RBFOX1: variants seen among roughly 807,000 people sequenced by gnomAD.
RBFOX1 encodes RNA binding fox-1 homolog 1.
Under a neutral mutation model 57.7 loss-of-function variants are expected in RBFOX1, and 8 were observed. The observed-to-expected ratio is 0.14, with a 90% confidence interval of 0.08 to 0.25. RBFOX1 has a LOEUF of 0.25. Ranked by LOEUF, RBFOX1 falls within the 10% of genes least tolerant of loss-of-function variation. The pLI is 1.00. For missense variants in RBFOX1, 611 were observed against 548.5 expected (o/e 1.11, Z -1.14); for synonymous variants, 326 against 222.4 (o/e 1.47, Z -4.15).
At chr16:7,276,497 C>T (rs1488080743) in intron 4 of RBFOX1, among the ~76,000 whole-genome samples, 1 of 152,164 alleles carries the variant, frequency 6.6e-6, no homozygotes, top group African/African-American at 2.4e-5. Flanking sequence ...TTATCTCCTT[C>T]CCTGATAGCA....
Position 6,305,650 on chromosome 16 carries a change from CT to C in RBFOX1, c.-126-11334del, listed in dbSNP as rs5815297. ...ACACATACTGTAGTCATACTCTTAGCTTTTTTTTTTTCCTGTATTACCTCAT... is the reference window on the plus strand; with the variant it reads ...ACACATACTGTAGTCATACTCTTAGCTTTTTTTTTTCCTGTATTACCTCAT... On this transcript the variant is annotated intron_variant, in intron 1 of 15. Transcript: ENST00000550418. Among the ~76,000 whole-genome samples, 1,204 of 146,080 alleles carry C rather than the reference CT, an allele frequency of 8.2e-3. 8 individuals are homozygous for C. The highest frequency in any genetic ancestry group is 0.013 in the Non-Finnish European group (849 of 66,782).
At chr16:7,428,301 T>C (rs978465196) in intron 4 of RBFOX1, among the ~76,000 whole-genome samples, 1 of 151,404 alleles carries the variant, frequency 6.6e-6, no homozygotes, top group Non-Finnish European at 1.5e-5. Context: ...ATGAGATATA[T>C]TTGACCTATG....
chr16:5,882,066 T>A (rs1006205790), intron 4 of RBFOX1, among the ~76,000 whole-genome samples: 1 of 152,176 alleles, frequency 6.6e-6, no homozygotes, highest in Non-Finnish European at 1.5e-5. Context: ...GTTATTTACA[T>A]TTTACAGAAT....
chr16:6,886,851 T>A (rs1022957343), intron 3 of RBFOX1, among the ~76,000 whole-genome samples: 2 of 151,992 alleles, frequency 1.3e-5, no homozygotes, highest in Non-Finnish European at 2.9e-5. Context: ...CAGTGAAATA[T>A]GGCAAAAATA....
chr16:6,931,574 C>T (rs1316409809), intron 3 of RBFOX1, among the ~76,000 whole-genome samples: 1 of 152,104 alleles, frequency 6.6e-6, no homozygotes, highest in African/African-American at 2.4e-5. Flanking sequence ...ACACTCTTGC[C>T]ACCCTACAAT....
intron 4 of RBFOX1, among the ~76,000 whole-genome samples, chr16:7,258,760 T>C (rs2094800189): frequency 6.6e-6 from 1 of 152,196 alleles, no homozygotes; most frequent in South Asian, 2.1e-4. Flanking sequence ...ACTTTATTAG[T>C]TGCTGCAACT....
At chr16:5,459,130 T>A (rs140056148) in intron 1 of RBFOX1, among the ~76,000 whole-genome samples, 15 of 152,254 alleles carry the variant, frequency 9.9e-5, no homozygotes, top group African/African-American at 3.4e-4. Flanking sequence ...CTGGTGAACC[T>A]CCCCTTTTCT....
chr16:6,098,920 G>A (rs532328565), intron 1 of RBFOX1, among the ~76,000 whole-genome samples: 8 of 152,286 alleles, frequency 5.3e-5, no homozygotes, highest in East Asian at 1.9e-4. Flanking sequence ...ATGTGGCTTC[G>A]TTGAAGGACG....
exon 3 of RBFOX1, chr16:5,599,119 G>C (rs1186732000): frequency 2.7e-6 from 2 of 749,916 alleles, no homozygotes; most frequent in Non-Finnish European, 4.5e-6. Flanking sequence ...AAATTTTCCA[G>C]AGCACTTGCA....
At chr16:6,813,957 C>T (rs1292974090) in intron 3 of RBFOX1, among the ~76,000 whole-genome samples, 1 of 152,174 alleles carries the variant, frequency 6.6e-6, no homozygotes, top group East Asian at 1.9e-4. Flanking sequence ...TTAACCAGTC[C>T]TTGCTACTAA....
At chr16:7,213,897 C>A (rs370512187) in intron 4 of RBFOX1, among the ~76,000 whole-genome samples, 1 of 152,036 alleles carries the variant, frequency 6.6e-6, no homozygotes, top group East Asian at 1.9e-4. Flanking sequence ...GAGGGCTTTG[C>A]CAGCCAGAGG....
rs1174185442 is a variant in RBFOX1, at chr16:6,859,141, GTA to G, written c.-15-192906_-15-192905del. Among the ~76,000 whole-genome samples the G allele has an allele frequency of 2.1e-3, 204 of 98,096 alleles. 2 individuals carry two copies. The highest frequency in any genetic ancestry group is 5.5e-3 in the Middle Eastern group (1 of 182). The allele number at this position is 98,096 out of a possible 152,430, so 64.4% of individuals were successfully genotyped here. ...TATATATATATATACATATATATAC[GTA>G]TATATATATGTATATATATACGTAT... On this transcript the variant is annotated intron_variant, in intron 3 of 15. Transcript: ENST00000550418.
chr16:5,420,570 G>A (rs950983936), intron 1 of RBFOX1, among the ~76,000 whole-genome samples: 1 of 152,010 alleles, frequency 6.6e-6, no homozygotes, highest in African/African-American at 2.4e-5. Flanking sequence ...GTGCAGTGGT[G>A]CAATCATGGC....
intron 1 of RBFOX1, among the ~76,000 whole-genome samples, chr16:5,390,320 G>A (rs2066371665): frequency 7.4e-6 from 1 of 135,732 alleles, no homozygotes; most frequent in South Asian, 2.4e-4. Flanking sequence ...AGACAGTGTT[G>A]CTGTGTCACC....
At chr16:5,371,828 A>G (rs961216221) in intron 1 of RBFOX1, among the ~76,000 whole-genome samples, 2 of 152,168 alleles carry the variant, frequency 1.3e-5, no homozygotes, top group African/African-American at 4.8e-5. Context: ...CACCTGAGGG[A>G]GAAATAAACT....
intron 1 of RBFOX1, among the ~76,000 whole-genome samples, chr16:5,258,006 G>A (rs2062633346): frequency 6.6e-6 from 1 of 152,100 alleles, no homozygotes; most frequent in Non-Finnish European, 1.5e-5. Flanking sequence ...AGCCTCCTGA[G>A]TAGCTGGGAC....
intron 4 of RBFOX1, among the ~76,000 whole-genome samples, chr16:7,245,884 A>G (rs1322792393): frequency 1.3e-5 from 2 of 152,196 alleles, no homozygotes; most frequent in African/African-American, 4.8e-5. Context: ...TAATCCCTAC[A>G]GTCTTGCAAA....
chr16:6,162,091 A>C (rs994260055), intron 1 of RBFOX1, among the ~76,000 whole-genome samples: 1 of 152,202 alleles, frequency 6.6e-6, no homozygotes, highest in African/African-American at 2.4e-5. Context: ...CACAATGCAG[A>C]TTTCCAAAGA....
intron 1 of RBFOX1, among the ~76,000 whole-genome samples, chr16:5,423,722 C>G (rs1215663179): frequency 6.6e-6 from 1 of 152,124 alleles, no homozygotes; most frequent in Non-Finnish European, 1.5e-5. Context: ...ACGATTGTAC[C>G]TTTGAGTGGC....
Sources: gnomAD v4.1 joint callset for allele counts (sites outside exome capture counted in the v4.1 genomes callset) on GRCh38, gnomAD v4.1.1 for gene constraint, MANE v1.5 for transcripts, NCBI Gene and HGNC (gene_info 2026-07-23, HGNC 2026-07-21) for gene names.